PTH2R: variants seen among roughly 807,000 people sequenced by gnomAD.
The protein encoded by PTH2R is PTH2 receptor.
Under a neutral mutation model 60.3 loss-of-function variants are expected in PTH2R, and 59 were observed. That is an observed-to-expected ratio of 0.98 (90% CI 0.79 to 1.22). The LOEUF is 1.22. Ranked by LOEUF, PTH2R falls within the 50% of genes most tolerant of loss-of-function variation. The probability of loss-of-function intolerance (pLI) is 0.00; values close to 1 mark genes in which losing one functional copy is unlikely to be tolerated. For synonymous variants in PTH2R, 256 were observed against 243.8 expected, an observed-to-expected ratio of 1.05 and a Z score of -0.47; for missense variants, 749 against 682.6, an observed-to-expected ratio of 1.10 and a Z score of -1.08.
chr2:208,478,829 A>C (rs1462552890), intron 9 of PTH2R, among the ~76,000 whole-genome samples: 2 of 152,140 alleles, frequency 1.3e-5, no homozygotes, highest in East Asian at 3.9e-4. Context: ...TGGCTGGGCA[A>C]AATATGTGGA....
Position 208,383,037 on chromosome 2 carries a change from TTCTG to T in PTH2R, c.-259+22804_-259+22807del, listed in dbSNP as rs565526228. Among the ~76,000 whole-genome samples, 906 of 152,402 alleles carry T rather than the reference TTCTG, an allele frequency of 5.9e-3. 5 individuals are homozygous for T. Among genetic ancestry groups the T allele is most frequent in the Middle Eastern group, 0.01 (3 of 294 alleles). The stretch of plus-strand genomic sequence containing the variant: ...ACCTGTGCACTAATCAGTTCACTTT[TTCTG>T]TCTTAGTCGGCAGATCTAGCCATAG... On this transcript the variant is annotated intron_variant, in intron 1 of 12. Transcript: ENST00000617735.
chr2:208,363,292 T>G (rs1700514816), intron 1 of PTH2R, among the ~76,000 whole-genome samples: 1 of 152,216 alleles, frequency 6.6e-6, no homozygotes, highest in Non-Finnish European at 1.5e-5. Flanking sequence ...TGGTTTTCTG[T>G]TCTTACATTA....
chr2:208,376,820 A>G (rs990208298), intron 1 of PTH2R, among the ~76,000 whole-genome samples: 2 of 146,638 alleles, frequency 1.4e-5, no homozygotes, highest in African/African-American at 5.0e-5. Flanking sequence ...ATGTGCTCCC[A>G]CTCCTATCCT....
At chr2:208,447,448 C>T (rs983760856) in intron 7 of PTH2R, among the ~76,000 whole-genome samples, 1 of 151,764 alleles carries the variant, frequency 6.6e-6, no homozygotes, top group Non-Finnish European at 1.5e-5. Flanking sequence ...ATTAGCCAGA[C>T]GTGCTGGCAG....
At chr2:208,388,678 TAAG>T (rs1701053503) in intron 1 of PTH2R, among the ~76,000 whole-genome samples, 1 of 152,178 alleles carries the variant, frequency 6.6e-6, no homozygotes, top group South Asian at 2.1e-4. Context: ...CATGTTGAGA[TAAG>T]AATCACTGTA....
At chr2:208,407,516 G>T (rs1701442004) in intron 1 of PTH2R, among the ~76,000 whole-genome samples, 1 of 152,178 alleles carries the variant, frequency 6.6e-6, no homozygotes, top group African/African-American at 2.4e-5. Flanking sequence ...TCGCTTTTGA[G>T]AATTTAAATT....
At position 208,459,964 on chromosome 2, in the gene PTH2R, A is replaced by G. The variant is rs59709859; in HGVS notation, c.981+3A>G. 1,077 of 1,611,848 alleles carry G rather than the reference A, an allele frequency of 6.7e-4. 5 individuals carry two copies. The African/African-American group carries it at 0.013, about 19-fold the overall frequency. On this transcript the variant is annotated splice_donor_region_variant and intron_variant, in intron 9 of 12. Transcript: ENST00000272847. ...CACCGATCTTAGCAGCTATTGGGGT[A>G]AGTTTAAAAGTTTGTATAGTTAAAA...
chr2:208,461,879 C>T lies in PTH2R; in HGVS notation c.981+1918C>T, dbSNP rs545898730. On this transcript the variant is annotated intron_variant, in intron 9 of 12. Coordinates refer to ENST00000272847, the MANE Select transcript of PTH2R (RefSeq NM_005048.4). Reference sequence around the variant, plus strand: ...GGTGATTAAAGGGCTTTTGAAGATTCGCTGTTGGCGAAGGAGAAATAGAAG... The same window carrying T: ...GGTGATTAAAGGGCTTTTGAAGATTTGCTGTTGGCGAAGGAGAAATAGAAG... Among the ~76,000 whole-genome samples, 9 of 152,156 alleles carry T rather than the reference C, an allele frequency of 5.9e-5. No individual in the cohort carries two copies. In the East Asian group the frequency reaches 9.6e-4, roughly 16 times the overall value.
chr2:208,432,358 A>G (rs1701990309), intron 2 of PTH2R, among the ~76,000 whole-genome samples: 1 of 152,216 alleles, frequency 6.6e-6, no homozygotes. Flanking sequence ...GTATAATTTT[A>G]ACAACAGAGG....
At chr2:208,456,476 C>A (rs1702516933) in intron 8 of PTH2R, among the ~76,000 whole-genome samples, 1 of 152,150 alleles carries the variant, frequency 6.6e-6, no homozygotes, top group African/African-American at 2.4e-5. Flanking sequence ...CATCCAGCAG[C>A]AAAGGTGGGG....
intron 9 of PTH2R, among the ~76,000 whole-genome samples, chr2:208,460,220 T>C (rs575230616): frequency 6.6e-6 from 1 of 152,124 alleles, no homozygotes; most frequent in Non-Finnish European, 1.5e-5. Context: ...AGCATTTATA[T>C]GTTTAGGGAG....
At chr2:208,445,163 T>C (rs747477661) in intron 7 of PTH2R, among the ~76,000 whole-genome samples, 2 of 152,322 alleles carry the variant, frequency 1.3e-5, no homozygotes, top group African/African-American at 4.8e-5. Context: ...AGAGAACTCA[T>C]TGTAAGCCAT....
intron 8 of PTH2R, among the ~76,000 whole-genome samples, chr2:208,457,019 T>C (rs1702528743): frequency 6.6e-6 from 1 of 152,126 alleles, no homozygotes; most frequent in African/African-American, 2.4e-5. Context: ...TATAATTGAA[T>C]CCCAATGTGT....
chr2:208,448,173 T>G (rs745749398), intron 7 of PTH2R, among the ~76,000 whole-genome samples: 2 of 152,090 alleles, frequency 1.3e-5, no homozygotes, highest in Admixed American at 6.5e-5. Flanking sequence ...CAGCAAACAT[T>G]TTTTGATCAT....
chr2:208,382,557 T>C (rs1189199621), intron 1 of PTH2R, among the ~76,000 whole-genome samples: 2 of 152,196 alleles, frequency 1.3e-5, no homozygotes, highest in African/African-American at 2.4e-5. Context: ...AGGGAGCAGG[T>C]ACACAGAAAA....
intron 1 of PTH2R, among the ~76,000 whole-genome samples, chr2:208,410,192 A>G (rs1265674188): frequency 6.6e-6 from 1 of 152,208 alleles, no homozygotes; most frequent in Non-Finnish European, 1.5e-5. Flanking sequence ...CAGTAATGCT[A>G]CTTGCCAAGT....
chr2:208,362,545 A>G (rs749941113), intron 1 of PTH2R, among the ~76,000 whole-genome samples: 25 of 152,174 alleles, frequency 1.6e-4, no homozygotes, highest in Admixed American at 1.1e-3. Context: ...ATGCAGAGAT[A>G]TCATATATAT....
intron 7 of PTH2R, among the ~76,000 whole-genome samples, chr2:208,449,437 T>TGATGGATA (rs1553546916): frequency 7.4e-4 from 2 of 2,700 alleles, no homozygotes; most frequent in South Asian, 0.045. Flanking sequence ...TGGAGAAATG[T>TGATGGATA]GATAGATAGA....
At chr2:208,453,175 A>T (rs1183971457) in intron 8 of PTH2R, among the ~76,000 whole-genome samples, 3 of 152,206 alleles carry the variant, frequency 2.0e-5, no homozygotes, top group Non-Finnish European at 4.4e-5. Flanking sequence ...TCTGTTCTCT[A>T]AATCAGAAAT....
Sources: gnomAD v4.1 joint callset for allele counts (sites outside exome capture counted in the v4.1 genomes callset) on GRCh38, gnomAD v4.1.1 for gene constraint, MANE v1.5 for transcripts, NCBI Gene and HGNC (gene_info 2026-07-23, HGNC 2026-07-21) for gene names.